Variants in RNF13 observed in about 807,000 individuals in gnomAD.
RNF13 encodes the protein E3 ubiquitin-protein ligase RNF13.
A neutral mutation model predicts 37.7 loss-of-function variants in RNF13; 19 were observed. The ratio of observed to expected loss-of-function variants is 0.50; its 90% CI spans 0.35 to 0.74. RNF13 has a LOEUF of 0.74. Among genes scored for constraint, RNF13 ranks in the 30% least tolerant of loss-of-function variants. The pLI, the probability that RNF13 is intolerant of heterozygous loss-of-function variation, is 0.01. For synonymous variants in RNF13, 144 were observed against 157.8 expected (o/e 0.91, Z 0.65); for missense variants, 375 against 453.0 (o/e 0.83, Z 1.56).
At chr3:149,874,289 A>G (rs1387610143) in intron 4 of RNF13, among the ~76,000 whole-genome samples, 1 of 152,160 alleles carries the variant, frequency 6.6e-6, no homozygotes, top group Non-Finnish European at 1.5e-5. Flanking sequence ...ATCAGTTTAT[A>G]GGGGAGACAC....
chr3:149,842,090 T>A (rs1367769367), intron 1 of RNF13, among the ~76,000 whole-genome samples: 1 of 152,210 alleles, frequency 6.6e-6, no homozygotes, highest in East Asian at 1.9e-4. Context: ...TTTTTCCACC[T>A]GTCTTTGAAA....
chr3:149,829,255 A>AGT, intron 1 of RNF13, among the ~76,000 whole-genome samples: 1 of 152,124 alleles, frequency 6.6e-6, no homozygotes, highest in South Asian at 2.1e-4. Flanking sequence ...GTGAGCCACC[A>AGT]GGCTCAGCTA....
chr3:149,950,641 AT>A (rs879487896), intron 8 of RNF13, among the ~76,000 whole-genome samples: 2,531 of 143,352 alleles, frequency 0.018, 60 homozygotes, highest in African/African-American at 0.052. Flanking sequence ...TGCCCAGCTA[AT>A]TTTTTTTTTT....
intron 6 of RNF13, among the ~76,000 whole-genome samples, chr3:149,903,063 A>C (rs1948620796): frequency 6.6e-6 from 1 of 152,266 alleles, no homozygotes; most frequent in African/African-American, 2.4e-5. Context: ...CTGTTTGAAA[A>C]TGCATAAAAA....
intron 4 of RNF13, among the ~76,000 whole-genome samples, chr3:149,883,557 T>C (rs144647973): frequency 1.1e-3 from 165 of 152,338 alleles, no homozygotes; most frequent in African/African-American, 3.9e-3. Flanking sequence ...TAATAAATTA[T>C]AATTTATAGC....
At chr3:149,883,860 A>G (rs112624386) in intron 4 of RNF13, among the ~76,000 whole-genome samples, 1 of 150,852 alleles carries the variant, frequency 6.6e-6, no homozygotes, top group Non-Finnish European at 1.5e-5. Flanking sequence ...CTCTCCCCCG[A>G]CCCTCCCTGA....
At chr3:149,900,833 G>A (rs1452784437) in intron 5 of RNF13, among the ~76,000 whole-genome samples, 1 of 151,856 alleles carries the variant, frequency 6.6e-6, no homozygotes, top group Non-Finnish European at 1.5e-5. Flanking sequence ...GTATGTGCGC[G>A]CATGTGTGCG....
chr3:149,824,210 G>A (rs902239328), intron 1 of RNF13, among the ~76,000 whole-genome samples: 2 of 152,218 alleles, frequency 1.3e-5, no homozygotes, highest in African/African-American at 2.4e-5. Context: ...AAATTAGAAT[G>A]TTGCCAAGAA....
intron 8 of RNF13, among the ~76,000 whole-genome samples, chr3:149,923,942 G>A (rs902654981): frequency 6.6e-6 from 1 of 152,120 alleles, no homozygotes; most frequent in Non-Finnish European, 1.5e-5. Flanking sequence ...CTGACATTAA[G>A]AATAGGTTAT....
intron 4 of RNF13, among the ~76,000 whole-genome samples, chr3:149,892,360 C>T (rs1218668545): frequency 2.0e-5 from 3 of 152,182 alleles, no homozygotes; most frequent in African/African-American, 7.2e-5. Context: ...TGTTATAAAT[C>T]CATTCATGTA....
At chr3:149,956,682 T>C (rs71304499) in intron 8 of RNF13, among the ~76,000 whole-genome samples, 4,705 of 152,322 alleles carry the variant, frequency 0.031, 95 homozygotes, top group Non-Finnish European at 0.042. Context: ...TCCAAAAACA[T>C]TCCAGACAAA....
intron 5 of RNF13, among the ~76,000 whole-genome samples, chr3:149,897,751 G>T (rs1011946487): frequency 5.9e-5 from 9 of 152,198 alleles, no homozygotes; most frequent in South Asian, 2.1e-4. Context: ...TTTATCAGAA[G>T]AGGCTTGTAT....
intron 8 of RNF13, among the ~76,000 whole-genome samples, chr3:149,956,503 G>C (rs1254624493): frequency 1.3e-5 from 2 of 152,140 alleles, no homozygotes; most frequent in South Asian, 4.1e-4. Context: ...TTCTGTATCT[G>C]ATGAGCCAAA....
At chr3:149,887,117 C>T (rs1714125620) in intron 4 of RNF13, among the ~76,000 whole-genome samples, 1 of 152,076 alleles carries the variant, frequency 6.6e-6, no homozygotes, top group African/African-American at 2.4e-5. Flanking sequence ...TTCTTCATTC[C>T]CCGCCCGCTT....
chr3:149,932,409 C>G (rs925916337), intron 8 of RNF13, among the ~76,000 whole-genome samples: 5 of 152,070 alleles, frequency 3.3e-5, no homozygotes, highest in Non-Finnish European at 7.4e-5. Context: ...CTCATTCCAC[C>G]ATCAACTCAA....
chr3:149,926,240 C>T (rs1356365731), intron 8 of RNF13, among the ~76,000 whole-genome samples: 1 of 152,114 alleles, frequency 6.6e-6, no homozygotes, highest in East Asian at 1.9e-4. Context: ...GAGGCGGAGT[C>T]TCGCTCTGTC....
chr3:149,919,115 T>G (rs1040608825), intron 7 of RNF13, among the ~76,000 whole-genome samples: 7 of 152,336 alleles, frequency 4.6e-5, no homozygotes, highest in Middle Eastern at 3.4e-3. Flanking sequence ...ATTGCTGTTC[T>G]TTTAGTGGTT....
intron 8 of RNF13, among the ~76,000 whole-genome samples, chr3:149,923,328 G>C (rs934712731): frequency 6.6e-6 from 1 of 152,088 alleles, no homozygotes; most frequent in Non-Finnish European, 1.5e-5. Context: ...GAGCTCAAGT[G>C]ATCATCCCAC....
intron 4 of RNF13, among the ~76,000 whole-genome samples, chr3:149,881,397 C>T (rs1398744981): frequency 6.6e-6 from 1 of 151,974 alleles, no homozygotes. Flanking sequence ...GTGGCTTGCT[C>T]GCAGCTCACT....
Sources: allele counts gnomAD v4.1 joint callset (sites outside exome capture counted in the v4.1 genomes callset), GRCh38; gene constraint gnomAD v4.1.1; transcripts MANE v1.5; gene names NCBI Gene and HGNC (gene_info 2026-07-23, HGNC 2026-07-21).